LOXL2: variants seen among roughly 807,000 people sequenced by gnomAD.
The protein encoded by LOXL2 is lysyl oxidase homolog 2.
LOXL2 carries 70 observed loss-of-function variants against 93.0 expected under a neutral mutation model. The ratio of observed to expected loss-of-function variants is 0.75; its 90% CI spans 0.62 to 0.92. The LOEUF (loss-of-function observed/expected upper bound fraction) is 0.92, where lower values mean the gene tolerates loss of function less well. Among genes scored for constraint, LOXL2 ranks in the 40% least tolerant of loss-of-function variants. The pLI is 0.00. For synonymous variants in LOXL2, 438 were observed against 413.2 expected (o/e 1.06, Z -0.73); for missense variants, 973 against 1,054.9 (o/e 0.92, Z 1.08).
intron 3 of LOXL2, among the ~76,000 whole-genome samples, chr8:23,359,407 G>A (rs1475796565): frequency 1.3e-5 from 2 of 152,124 alleles, no homozygotes; most frequent in Non-Finnish European, 2.9e-5. Context: ...TCACTCTGAG[G>A]GAAGACAACC....
chr8:23,324,270 C>T (rs367579759), intron 6 of LOXL2, among the ~76,000 whole-genome samples: 26 of 152,296 alleles, frequency 1.7e-4, no homozygotes, highest in African/African-American at 6.0e-4. Context: ...GGTCAGTCTC[C>T]TTGTGGCTGA....
At chr8:23,307,830 A>T (rs960136883) in intron 10 of LOXL2, among the ~76,000 whole-genome samples, 3 of 151,596 alleles carry the variant, frequency 2.0e-5, no homozygotes, top group African/African-American at 7.3e-5. Flanking sequence ...GACGTTCAGA[A>T]TATTCAATTG....
chr8:23,352,414 C>T (rs1191583717), intron 3 of LOXL2, among the ~76,000 whole-genome samples: 1 of 152,030 alleles, frequency 6.6e-6, no homozygotes, highest in African/African-American at 2.4e-5. Flanking sequence ...GAAAATAGGC[C>T]CCCTTTTTTC....
intron 9 of LOXL2, among the ~76,000 whole-genome samples, chr8:23,313,282 A>AT (rs1803345216): frequency 6.6e-6 from 1 of 152,144 alleles, no homozygotes. Context: ...TCTTCACAGA[A>AT]TTGGAAAAAA....
chr8:23,386,335 G>A (rs1281556320), intron 1 of LOXL2, among the ~76,000 whole-genome samples: 1 of 152,218 alleles, frequency 6.6e-6, no homozygotes, highest in Non-Finnish European at 1.5e-5. Context: ...GGAGGTTGCA[G>A]TGAGCTGAGC....
At position 23,333,421 on chromosome 8, in the gene LOXL2, G is replaced by T; in HGVS notation, c.946C>A (p.Arg316=). The T allele has an allele frequency of 6.2e-7, 1 of 1,613,806 alleles. No individual in the cohort carries two copies. Among genetic ancestry groups the T allele is most frequent in the African/African-American group, 1.3e-5 (1 of 75,034 alleles). ...CTCACCTCTGGCTTGTACGCTTTCC[G>T]GAATCTTGAGGGTCCGTCAGGGCTG... The part of the protein sequence containing the change: ...VFSPDGPSRF[R]KAYKPEQPLV... Residue 316 remains arginine (R), a synonymous_variant, in exon 5 of 14, where the codon CGG becomes AGG. Transcript: ENST00000389131.
At chr8:23,390,424 G>A (rs958130243) in intron 1 of LOXL2, among the ~76,000 whole-genome samples, 3 of 152,204 alleles carry the variant, frequency 2.0e-5, no homozygotes, top group Admixed American at 6.5e-5. Context: ...CTTCAGTCTC[G>A]TCTATTTCTG....
chr8:23,328,817 C>T (rs180716932), intron 5 of LOXL2: 9 of 466,080 alleles, frequency 1.9e-5, no homozygotes, highest in Admixed American at 1.0e-4. Flanking sequence ...TTGCAGCCCT[C>T]GCGTGGAGCT....
rs185059544 is a variant in LOXL2 at position 23,334,448 on chromosome 8, T to C, written c.744-825A>G. On this transcript the variant is annotated intron_variant, in intron 4 of 13. Transcript: ENST00000389131. The stretch of plus-strand genomic sequence containing the variant: ...AATTTGTATTTCCAATGAGAAACAA[T>C]GAAAACAGTCTTAAATTACTCCATC... Among the ~76,000 whole-genome samples the C allele has an allele frequency of 1.8e-3, 270 of 152,324 alleles. 3 individuals are homozygous for C. Among genetic ancestry groups the C allele is most frequent in the African/African-American group, 5.8e-3 (242 of 41,568 alleles).
At chr8:23,358,917 G>C (rs1242206860) in intron 3 of LOXL2, among the ~76,000 whole-genome samples, 1 of 149,502 alleles carries the variant, frequency 6.7e-6, no homozygotes, top group African/African-American at 2.5e-5. Flanking sequence ...TCTCAGCTCA[G>C]TGCAAGCTCC....
At chr8:23,387,875 G>A (rs1173986489) in intron 1 of LOXL2, among the ~76,000 whole-genome samples, 1 of 152,066 alleles carries the variant, frequency 6.6e-6, no homozygotes, top group African/African-American at 2.4e-5. Flanking sequence ...ACTTGAACCC[G>A]GAAGGCAGAG....
intron 1 of LOXL2, among the ~76,000 whole-genome samples, chr8:23,394,895 C>T (rs1301859192): frequency 6.6e-6 from 1 of 152,040 alleles, no homozygotes; most frequent in Non-Finnish European, 1.5e-5. Context: ...TAACAAAATA[C>T]GGTATGCCCA....
At position 23,317,411 on chromosome 8, in the gene LOXL2, A is replaced by G. The variant is rs116412475; in HGVS notation, c.1471-297T>C. 7.7e-3 allele frequency among the ~76,000 whole-genome samples: 1,174 copies of G among 152,150 alleles called. 17 individuals carry two copies. The highest frequency in any genetic ancestry group is 0.027 in the African/African-American group (1,118 of 41,480). The stretch of plus-strand genomic sequence containing the variant: ...GTGTCAGGAATGGCAGGTGCACACA[A>G]CTCAGGTTGCCCACTCCCCAGTCCT... On this transcript the variant is annotated intron_variant, in intron 8 of 13. Transcript: ENST00000389131.
chr8:23,385,838 C>CT (rs1804751834), intron 1 of LOXL2: 1 of 569,410 alleles, frequency 1.8e-6, no homozygotes, highest in Admixed American at 2.5e-5. Context: ...GGAATCAATA[C>CT]AAAAATTATT....
At chr8:23,330,393 C>T (rs939685537) in intron 5 of LOXL2, among the ~76,000 whole-genome samples, 1 of 152,066 alleles carries the variant, frequency 6.6e-6, no homozygotes, top group Non-Finnish European at 1.5e-5. Context: ...CAGAACAAAA[C>T]ACGCATAACT....
chr8:23,389,520 C>T (rs867352889), intron 1 of LOXL2, among the ~76,000 whole-genome samples: 4 of 152,164 alleles, frequency 2.6e-5, no homozygotes, highest in Non-Finnish European at 5.9e-5. Flanking sequence ...CCTTGTGGCA[C>T]GCAGTCGAAT....
intron 1 of LOXL2, among the ~76,000 whole-genome samples, chr8:23,387,628 TA>T (rs1337045017): frequency 6.6e-6 from 1 of 152,224 alleles, no homozygotes; most frequent in Non-Finnish European, 1.5e-5. Flanking sequence ...GGATTTCATC[TA>T]CCAAATGGAA....
intron 1 of LOXL2, among the ~76,000 whole-genome samples, chr8:23,392,950 C>T (rs1800030549): frequency 6.6e-6 from 1 of 152,066 alleles, no homozygotes; most frequent in Non-Finnish European, 1.5e-5. Flanking sequence ...TAAAGCAATC[C>T]CATTTACAAT....
intron 1 of LOXL2, among the ~76,000 whole-genome samples, chr8:23,397,749 A>G (rs1386386646): frequency 6.7e-6 from 1 of 149,602 alleles, no homozygotes; most frequent in East Asian, 2.0e-4. Context: ...CTGCACTCCC[A>G]GCCTGGGCAA....
Sources: allele counts gnomAD v4.1 joint callset (sites outside exome capture counted in the v4.1 genomes callset), GRCh38; gene constraint gnomAD v4.1.1; transcripts MANE v1.5; gene names NCBI Gene and HGNC (gene_info 2026-07-23, HGNC 2026-07-21).